The following CENPQ variants were observed in gnomAD, a reference collection of about 807,000 sequenced individuals.
The protein encoded by CENPQ is centromere protein Q.
A neutral mutation model predicts 36.6 loss-of-function variants in CENPQ; 27 were observed. The observed-to-expected ratio is 0.74, with a 90% CI of 0.54 to 1.02. The LOEUF is 1.02. Among genes scored for constraint, CENPQ ranks in the 50% least tolerant of loss-of-function variants. CENPQ has a pLI of 0.00. For synonymous variants in CENPQ, 101 were observed against 101.7 expected (o/e 0.99, Z 0.04); for missense variants, 306 against 301.8 (o/e 1.01, Z -0.10).
chr6:49,485,835 G>A (rs1310148517), intron 6 of CENPQ, among the ~76,000 whole-genome samples: 1 of 151,688 alleles, frequency 6.6e-6, no homozygotes, highest in Non-Finnish European at 1.5e-5. Context: ...TACCATATGA[G>A]TATGGTAGTA....
Position 49,492,875 on chromosome 6 carries a change from T to G in CENPQ, c.*600T>G, listed in dbSNP as rs551649425. 1.3e-5 allele frequency: 2 copies of G among 152,604 alleles called. No homozygotes were observed. Among genetic ancestry groups the G allele is most frequent in the Non-Finnish European group, 2.9e-5 (2 of 68,030 alleles). 9.5% of individuals were successfully genotyped at this position (152,604 alleles called of 1,614,324 possible). On this transcript the variant is annotated 3_prime_UTR_variant, in exon 9 of 9. Coordinates refer to ENST00000335783, the MANE Select transcript of CENPQ (RefSeq NM_018132.4). ...AATTAATGTTGAATATTTTCTACTG[T>G]CATCAAAACATATTCCCAAAAAGTA...
chr6:49,470,880 C>T, intron 2 of CENPQ, 94 bp from the exon 3 acceptor site: 1 of 627,220 alleles, frequency 1.6e-6, no homozygotes. Context: ...TATATGAATA[C>T]TCTTTGACAT....
chr6:49,480,993 G>C lies in CENPQ; in HGVS notation c.390G>C (p.Lys130Asn), dbSNP rs1275427426. The C allele has an allele frequency of 3.7e-6, 6 of 1,608,452 alleles. No homozygotes were observed. Among genetic ancestry groups the C allele is most frequent in the Non-Finnish European group, 4.2e-6 (5 of 1,176,940 alleles). The change falls in exon 6 of 9, where the codon AAG becomes AAC. Residue 130 changes from lysine to asparagine, a missense_variant. Lys to Asn is a moderately conservative substitution (Grantham distance 94, BLOSUM62 0). Transcript: ENST00000335783. ...QCETLKVPPK[K>N]MEDLTNVSSL... is the part of the protein sequence containing the mutation. The stretch of plus-strand genomic sequence containing the variant: ...AAACTCTGAAAGTCCCTCCCAAAAA[G>C]ATGGAAGATTTAACTAATGTATCAA...
intron 6 of CENPQ, among the ~76,000 whole-genome samples, chr6:49,484,709 T>C (rs1581854490): frequency 1.3e-5 from 2 of 152,328 alleles, no homozygotes; most frequent in Admixed American, 1.3e-4. Context: ...CAAATCTATA[T>C]GTATTTTTAG....
intron 1 of CENPQ, among the ~76,000 whole-genome samples, chr6:49,467,736 A>G (rs983635672): frequency 4.6e-5 from 7 of 152,236 alleles, no homozygotes; most frequent in African/African-American, 1.7e-4. Flanking sequence ...TAATGGACCC[A>G]AGCTATAAAT....
At chr6:49,466,644 A>G (rs114936904) in intron 1 of CENPQ, among the ~76,000 whole-genome samples, 245 of 152,252 alleles carry the variant, frequency 1.6e-3, no homozygotes, top group African/African-American at 5.7e-3. Context: ...ATACCTATTC[A>G]TTTTTATATG....
At chr6:49,464,211 A>G (rs953154533) in intron 1 of CENPQ, among the ~76,000 whole-genome samples, 1 of 152,220 alleles carries the variant, frequency 6.6e-6, no homozygotes, top group Non-Finnish European at 1.5e-5. Flanking sequence ...CCCAGTGCAT[A>G]TAACAGTTGT....
chr6:49,469,976 T>TA (rs1450342952), intron 1 of CENPQ, among the ~76,000 whole-genome samples, 183 bp from the exon 2 acceptor site: 1 of 151,766 alleles, frequency 6.6e-6, no homozygotes, highest in African/African-American at 2.4e-5. Flanking sequence ...TTATTTCTTT[T>TA]AAAAAATGCT....
Position 49,488,449 on chromosome 6 carries a change from AAGAAG to A in CENPQ, c.578_582del (p.Glu193GlyfsTer11), listed in dbSNP as rs1768641231. On this transcript the variant is annotated frameshift_variant, in exon 7 of 9. Coordinates refer to ENST00000335783, the MANE Select transcript of CENPQ (RefSeq NM_018132.4). LOFTEE classifies it high-confidence loss of function. ...CAGATTCTGGCAAGTGAGGTGGAAGAAGAAGAGGAGAGAGTAAAACAGGTAATTAT... is the reference window on the plus strand; with the variant it reads ...CAGATTCTGGCAAGTGAGGTGGAAGAAGGAGAGAGTAAAACAGGTAATTAT... 2 of 1,613,088 alleles carry A rather than the reference AAGAAG, an allele frequency of 1.2e-6. No individual in the cohort carries two copies. The highest frequency in any genetic ancestry group is 8.5e-7 in the Non-Finnish European group (1 of 1,179,360).
At chr6:49,482,012 G>A (rs955909758) in intron 6 of CENPQ, among the ~76,000 whole-genome samples, 4 of 152,270 alleles carry the variant, frequency 2.6e-5, no homozygotes, top group Non-Finnish European at 4.4e-5. Flanking sequence ...GCGCAGGGCC[G>A]GTGGGCCGGC....
intron 6 of CENPQ, among the ~76,000 whole-genome samples, chr6:49,484,972 A>G (rs1366696396): frequency 6.6e-6 from 1 of 152,182 alleles, no homozygotes; most frequent in African/African-American, 2.4e-5. Flanking sequence ...TGATAGTGTG[A>G]TTTTTATGCT....
At chr6:49,489,055 T>C (rs1470052534) in intron 8 of CENPQ, among the ~76,000 whole-genome samples, 1 of 152,180 alleles carries the variant, frequency 6.6e-6, no homozygotes, top group Non-Finnish European at 1.5e-5. Context: ...ATGTGGCAAT[T>C]TCTTAAAATA....
rs183824834 is a variant in CENPQ, at chr6:49,467,158, T to C, written c.-18-3001T>C. On this transcript the variant is annotated intron_variant, in intron 1 of 8. Transcript: ENST00000335783. ...GGTTGAGAAACTTTGTGCTATAGTC[T>C]AGTGCCTCAAGTAGGTTTCATTGTT... Among the ~76,000 whole-genome samples, 203 of 152,356 alleles carry C rather than the reference T, an allele frequency of 1.3e-3. 2 individuals carry two copies. Among genetic ancestry groups the C allele is most frequent in the African/African-American group, 4.7e-3 (197 of 41,592 alleles).
intron 3 of CENPQ, among the ~76,000 whole-genome samples, chr6:49,471,517 G>A (rs1329015182): frequency 3.3e-5 from 5 of 152,084 alleles, no homozygotes; most frequent in African/African-American, 1.2e-4. Flanking sequence ...TACTGCCATA[G>A]TGTACAATAC....
At chr6:49,479,229 G>T (rs1193920308) in intron 5 of CENPQ, among the ~76,000 whole-genome samples, 1 of 151,902 alleles carries the variant, frequency 6.6e-6, no homozygotes, top group Non-Finnish European at 1.5e-5. Context: ...TGCAAACAAT[G>T]CATCAAACAA....
At chr6:49,475,437 G>C (rs936649650) in intron 5 of CENPQ, among the ~76,000 whole-genome samples, 2 of 152,140 alleles carry the variant, frequency 1.3e-5, no homozygotes, top group African/African-American at 4.8e-5. Flanking sequence ...AATAATAAGA[G>C]CTTTTTATGA....
chr6:49,490,460 C>A (rs186358736), intron 8 of CENPQ, among the ~76,000 whole-genome samples: 50 of 152,300 alleles, frequency 3.3e-4, no homozygotes, highest in African/African-American at 1.1e-3. Context: ...GTTTGATCTT[C>A]CATCCAGACC....
At chr6:49,485,735 G>T (rs1385985263) in intron 6 of CENPQ, among the ~76,000 whole-genome samples, 1 of 151,598 alleles carries the variant, frequency 6.6e-6, no homozygotes, top group East Asian at 1.9e-4. Context: ...AACAGATAAT[G>T]CTTATGGTAA....
At chr6:49,485,069 C>A (rs1768542488) in intron 6 of CENPQ, among the ~76,000 whole-genome samples, 1 of 152,174 alleles carries the variant, frequency 6.6e-6, no homozygotes, top group East Asian at 1.9e-4. Flanking sequence ...TTGTTAGTCA[C>A]TCAGAAGAAG....
Sources: allele counts gnomAD v4.1 joint callset (sites outside exome capture counted in the v4.1 genomes callset), GRCh38; gene constraint gnomAD v4.1.1; transcripts MANE v1.5; gene names NCBI Gene and HGNC (gene_info 2026-07-23, HGNC 2026-07-21).